Variants in MTHFD1 observed in about 807,000 individuals in gnomAD.
MTHFD1 encodes methylenetetrahydrofolate dehydrogenase, cyclohydrolase and formyltetrahydrofolate synthetase 1, also known as C-1-tetrahydrofolate synthase, cytoplasmic.
A neutral mutation model predicts 110.3 loss-of-function variants in MTHFD1; 44 were observed. The observed-to-expected ratio is 0.40, with a 90% CI of 0.31 to 0.51. MTHFD1 has a LOEUF of 0.51. MTHFD1 is among the 20% of genes least tolerant of loss of function. MTHFD1 has a pLI of 0.60. For missense variants in MTHFD1, 909 were observed against 1,173.1 expected, an observed-to-expected ratio of 0.77 and a Z score of 3.29; for synonymous variants, 402 against 428.8, an observed-to-expected ratio of 0.94 and a Z score of 0.77.
chr14:64,444,629 G>A (rs2078276022), intron 21 of MTHFD1, 64 bp from the exon 22 acceptor site: 8 of 1,583,854 alleles, frequency 5.1e-6, no homozygotes, highest in African/African-American at 2.7e-5. Context: ...CACATGAAAA[G>A]CACCATTTTA....
At chr14:64,449,414 C>T (rs2078335576) in intron 23 of MTHFD1, 31 bp from the exon 24 acceptor site, 10 of 1,610,208 alleles carry the variant, frequency 6.2e-6, no homozygotes, top group Non-Finnish European at 8.5e-6. Flanking sequence ...AGCCATTTTC[C>T]ATGCTTTGAT....
chr14:64,418,450 C>CA (rs202143596), intron 7 of MTHFD1, among the ~76,000 whole-genome samples: 6,002 of 131,476 alleles, frequency 0.046, 513 homozygotes, highest in African/African-American at 0.16. Context: ...GACCCTGTCT[C>CA]AAAAAAAAAA....
intron 15 of MTHFD1, among the ~76,000 whole-genome samples, chr14:64,432,804 G>C (rs1428222652): frequency 6.6e-6 from 1 of 152,140 alleles, no homozygotes; most frequent in East Asian, 1.9e-4. Context: ...AACCCGGCTG[G>C]AGTGCAGAGG....
rs547342387 is a variant in MTHFD1, at chr14:64,455,066, C to A, written c.2718+191C>A. ...CTATATAGCTCTTGCTGTGGACCATCTTGGTGTCAAATCAAGAATGATGCC... is the reference window on the plus strand; with the variant it reads ...CTATATAGCTCTTGCTGTGGACCATATTGGTGTCAAATCAAGAATGATGCC... On this transcript the variant is annotated intron_variant, in intron 26 of 27. Coordinates refer to ENST00000652337, the MANE Select transcript of MTHFD1 (RefSeq NM_005956.4). The A allele has an allele frequency of 9.7e-6, 6 of 620,426 alleles. No individual in the cohort carries two copies. The Admixed American group carries it at 1.0e-4, about 11-fold the overall frequency. 38.4% of individuals were successfully genotyped at this position (620,426 alleles called of 1,614,324 possible).
At chr14:64,393,864 C>G (rs1305958255) in intron 1 of MTHFD1, among the ~76,000 whole-genome samples, 1 of 152,092 alleles carries the variant, frequency 6.6e-6, no homozygotes. Context: ...CTAATTGACT[C>G]AGTAGAGGTT....
chr14:64,411,205 G>A (rs748047276), intron 3 of MTHFD1, 56 bp downstream of exon 3: 87 of 1,374,148 alleles, frequency 6.3e-5, no homozygotes, highest in South Asian at 2.8e-4. Context: ...GGGTCCTATC[G>A]ATTACCCCTT....
chr14:64,439,736 A>G (rs1419278636), intron 17 of MTHFD1, among the ~76,000 whole-genome samples: 1 of 151,824 alleles, frequency 6.6e-6, no homozygotes, highest in Non-Finnish European at 1.5e-5. Context: ...TACTAAAAAA[A>G]TACAAAAACT....
chr14:64,453,202 A>C (rs2078404706), intron 24 of MTHFD1, among the ~76,000 whole-genome samples: 1 of 152,130 alleles, frequency 6.6e-6, no homozygotes, highest in Non-Finnish European at 1.5e-5. Flanking sequence ...GTATATGTAT[A>C]TCTGCATATA....
At chr14:64,449,879 CCTGGG>C (rs1254692505) in intron 24 of MTHFD1, among the ~76,000 whole-genome samples, 3 of 152,232 alleles carry the variant, frequency 2.0e-5, no homozygotes, top group Non-Finnish European at 4.4e-5. Flanking sequence ...ACCTCTGCCT[CCTGGG>C]TTCAAGTGAT....
At chr14:64,446,807 G>A (rs540630174) in intron 22 of MTHFD1, among the ~76,000 whole-genome samples, 75 of 152,274 alleles carry the variant, frequency 4.9e-4, no homozygotes, top group African/African-American at 1.8e-3. Flanking sequence ...CTCCCAAAGT[G>A]CTGGGATTAC....
rs763240378 is a variant in MTHFD1 at position 64,449,476 on chromosome 14, A to G, written c.2311A>G (p.Ser771Gly). ...TDTESELDLI[S>G]RLSREHGAFD... ...TACAGAGTCTGAGCTGGACCTCATC[A>G]GCCGCCTTTCCAGAGAACATGGGGC... The change falls in exon 24 of 28, where the codon AGC becomes GGC. Residue 771 changes from serine to glycine, a missense_variant. This residue lies in a region of MTHFD1 where 482 missense variants were observed against 646.0 expected (regional missense o/e 0.75). Coordinates refer to ENST00000652337, the MANE Select transcript of MTHFD1 (RefSeq NM_005956.4). 6.2e-7 allele frequency: 1 copy of G among 1,613,922 alleles called. No individual in the cohort carries two copies. Among genetic ancestry groups the G allele is most frequent in the South Asian group, 1.1e-5 (1 of 91,072 alleles).
At chr14:64,426,668 A>G (rs1353972708) in intron 11 of MTHFD1, among the ~76,000 whole-genome samples, 4 of 151,600 alleles carry the variant, frequency 2.6e-5, no homozygotes, top group Non-Finnish European at 5.9e-5. Context: ...AGTGTGTTTC[A>G]CTATGTTGGC....
intron 24 of MTHFD1, among the ~76,000 whole-genome samples, chr14:64,453,414 A>G (rs1001363174): frequency 1.3e-5 from 2 of 152,112 alleles, no homozygotes; most frequent in African/African-American, 4.8e-5. Flanking sequence ...TCTACTAAAA[A>G]TACAGAATTA....
intron 1 of MTHFD1, among the ~76,000 whole-genome samples, chr14:64,399,128 G>A (rs2077878407): frequency 6.6e-6 from 1 of 152,136 alleles, no homozygotes; most frequent in African/African-American, 2.4e-5. Context: ...ATGTGGATAC[G>A]CTGTGGTCAT....
intron 16 of MTHFD1, among the ~76,000 whole-genome samples, chr14:64,435,884 T>A (rs2078202543): frequency 6.6e-6 from 1 of 152,212 alleles, no homozygotes; most frequent in Non-Finnish European, 1.5e-5. Flanking sequence ...GTTGGATTGG[T>A]CGAACATTTT....
At position 64,397,193 on chromosome 14, in the gene MTHFD1, A is replaced by G. The variant is rs1190619751; in HGVS notation, c.42-3600A>G. Among the ~76,000 whole-genome samples the G allele has an allele frequency of 2.1e-3, 14 of 6,826 alleles. No individual in the cohort carries two copies. In the Admixed American group the frequency reaches 0.023, roughly 11 times the overall value. The allele number at this position is 6,826 out of a possible 152,430, so 4.5% of individuals were successfully genotyped here. On this transcript the variant is annotated intron_variant, in intron 1 of 27. Transcript: ENST00000652337. ...TATATATATATATATATATATATAA[A>G]AAACAGTAATCTATTGGGGCAGGGG...
chr14:64,443,319 G>C (rs187242247), intron 21 of MTHFD1, among the ~76,000 whole-genome samples: 84 of 152,248 alleles, frequency 5.5e-4, no homozygotes, highest in Non-Finnish European at 7.4e-5. Context: ...TAAACATAAA[G>C]AACTTTGTAA....
intron 1 of MTHFD1, among the ~76,000 whole-genome samples, chr14:64,395,637 GT>G (rs1291142274): frequency 6.6e-6 from 1 of 152,174 alleles, no homozygotes; most frequent in Non-Finnish European, 1.5e-5. Flanking sequence ...AAATGGGGCA[GT>G]TTTTTCCTCC....
intron 27 of MTHFD1, among the ~76,000 whole-genome samples, chr14:64,458,871 T>C (rs1444402178): frequency 6.6e-6 from 1 of 152,210 alleles, no homozygotes; most frequent in Non-Finnish European, 1.5e-5. Flanking sequence ...GTGTCTCTCC[T>C]TAGGCAGACC....
Sources: allele counts gnomAD v4.1 joint callset (sites outside exome capture counted in the v4.1 genomes callset), GRCh38; gene constraint gnomAD v4.1.1; regional missense constraint gnomAD v4.1.1; transcripts MANE v1.5; gene names NCBI Gene and HGNC (gene_info 2026-07-23, HGNC 2026-07-21).